Variants in RNLS observed in about 807,000 individuals in gnomAD.
The protein encoded by RNLS is renalase, FAD dependent amine oxidase, also known as renalase.
A neutral mutation model predicts 39.8 loss-of-function variants in RNLS; 39 were observed. The observed-to-expected ratio is 0.98, with a 90% CI of 0.76 to 1.28. RNLS has a LOEUF of 1.28. Ranked by LOEUF, RNLS falls within the 50% of genes most tolerant of loss-of-function variation. RNLS has a pLI of 0.00. For missense variants in RNLS, 410 were observed against 413.3 expected (o/e 0.99, Z 0.07); for synonymous variants, 147 against 150.7 (o/e 0.98, Z 0.18).
intron 4 of RNLS, among the ~76,000 whole-genome samples, chr10:88,394,744 C>T (rs937432303): frequency 1.3e-5 from 2 of 152,156 alleles, no homozygotes; most frequent in African/African-American, 2.4e-5. Context: ...CACATGCACA[C>T]GTATGTTTAT....
At chr10:88,352,661 C>G (rs1848808186) in intron 5 of RNLS, among the ~76,000 whole-genome samples, 1 of 152,128 alleles carries the variant, frequency 6.6e-6, no homozygotes, top group African/African-American at 2.4e-5. Context: ...CTAAGGTTCT[C>G]TTTTTTTGTT....
chr10:88,483,359 T>C (rs1411711364), intron 4 of RNLS, among the ~76,000 whole-genome samples: 1 of 152,166 alleles, frequency 6.6e-6, no homozygotes, highest in Non-Finnish European at 1.5e-5. Context: ...CTTGACTTTG[T>C]ACCTTTATAT....
At chr10:88,581,761 C>T in intron 2 of RNLS, 52 bp from the exon 3 acceptor site, 1 of 1,170,176 alleles carries the variant, frequency 8.5e-7, no homozygotes. Context: ...ATGAATAGCT[C>T]TAAAAGACTA....
Position 88,290,466 on chromosome 10 carries a change from C to T in RNLS, c.877-4960G>A, listed in dbSNP as rs79700244. 2.8e-4 allele frequency among the ~76,000 whole-genome samples: 42 copies of T among 152,298 alleles called. No individual in the cohort carries two copies. The East Asian group carries it at 7.7e-3, about 28-fold the overall frequency. On this transcript the variant is annotated intron_variant, in intron 6 of 6. Coordinates refer to ENST00000331772, the MANE Select transcript of RNLS (RefSeq NM_001031709.3). ...AAGTTTTTCCTGCTACATTTCCTCACTTACACCATGAATGCAAATTATGCC... is the reference window on the plus strand; with the variant it reads ...AAGTTTTTCCTGCTACATTTCCTCATTTACACCATGAATGCAAATTATGCC...
chr10:88,307,521 C>T (rs1254472141), intron 6 of RNLS, among the ~76,000 whole-genome samples: 1 of 152,004 alleles, frequency 6.6e-6, no homozygotes, highest in East Asian at 1.9e-4. Flanking sequence ...ACTAACATTC[C>T]TATGTACCAA....
At chr10:88,505,106 A>T (rs912393086) in intron 4 of RNLS, among the ~76,000 whole-genome samples, 2 of 152,060 alleles carry the variant, frequency 1.3e-5, no homozygotes, top group Admixed American at 6.6e-5. Context: ...TGGCTTCTAA[A>T]TAACATTCCC....
chr10:88,172,340 T>C, the RNLS span, among the ~76,000 whole-genome samples: 1 of 151,984 alleles, frequency 6.6e-6, no homozygotes, highest in Non-Finnish European at 1.5e-5. Flanking sequence ...GCATTTGATA[T>C]TTTTTTTGTC....
rs141431184 is a variant in RNLS at position 88,401,262 on chromosome 10, C to G, written c.527-38537G>C. ...TTCCATAAACCAGAAGTTATAAATT[C>G]TTTCTAAATACAGTAAACATATTCT... On this transcript the variant is annotated intron_variant, in intron 4 of 6. Transcript: ENST00000331772. Among the ~76,000 whole-genome samples the G allele has an allele frequency of 1.8e-3, 275 of 152,110 alleles. 1 individual carries two copies. Among genetic ancestry groups the G allele is most frequent in the Middle Eastern group, 0.014 (4 of 294 alleles).
At chr10:88,258,835 T>C in the RNLS span, among the ~76,000 whole-genome samples, 2 of 152,202 alleles carry the variant, frequency 1.3e-5, no homozygotes, top group Non-Finnish European at 2.9e-5. Flanking sequence ...TGTCTGGGTA[T>C]TGGAAAAGAC....
At chr10:88,323,618 T>C (rs1235010884) in intron 5 of RNLS, among the ~76,000 whole-genome samples, 3 of 152,066 alleles carry the variant, frequency 2.0e-5, no homozygotes, top group African/African-American at 7.2e-5. Context: ...ATAGATTAAA[T>C]ACTTAAATGT....
the RNLS span, among the ~76,000 whole-genome samples, chr10:88,186,397 C>T: frequency 6.6e-6 from 1 of 152,172 alleles, no homozygotes; most frequent in South Asian, 2.1e-4. Flanking sequence ...ACTCATGCCT[C>T]ACCATTCAAT....
intron 3 of RNLS, among the ~76,000 whole-genome samples, chr10:88,575,124 G>GTA (rs1174268534): frequency 0.011 from 1,065 of 98,798 alleles, 16 homozygotes; most frequent in Non-Finnish European, 0.015. Context: ...GTTCTGCAAA[G>GTA]TATATATATA....
chr10:88,456,488 A>G (rs1032817232), intron 4 of RNLS, among the ~76,000 whole-genome samples: 1 of 152,182 alleles, frequency 6.6e-6, no homozygotes, highest in African/African-American at 2.4e-5. Context: ...ACGCAAAACC[A>G]AAGTTACACA....
At chr10:88,293,532 T>C (rs1190762086) in intron 6 of RNLS, among the ~76,000 whole-genome samples, 2 of 152,226 alleles carry the variant, frequency 1.3e-5, no homozygotes, top group South Asian at 2.1e-4. Context: ...ATATATAATA[T>C]GTATAAATCT....
chr10:88,224,233 C>T, the RNLS span, among the ~76,000 whole-genome samples: 2 of 152,132 alleles, frequency 1.3e-5, no homozygotes, highest in African/African-American at 4.8e-5. Context: ...CTGGTGAGGG[C>T]TCTCTGCTTC....
At chr10:88,468,461 A>C (rs180973350) in intron 4 of RNLS, among the ~76,000 whole-genome samples, 2 of 152,270 alleles carry the variant, frequency 1.3e-5, no homozygotes, top group African/African-American at 4.8e-5. Context: ...CATGATTTAT[A>C]ATAAAACTGA....
chr10:88,197,443 C>T, the RNLS span, among the ~76,000 whole-genome samples: 1 of 152,220 alleles, frequency 6.6e-6, no homozygotes, highest in East Asian at 1.9e-4. Context: ...CTCTTCCTTC[C>T]CTATTCCCTA....
At chr10:88,309,747 G>A (rs1009818628) in intron 6 of RNLS, among the ~76,000 whole-genome samples, 1 of 152,192 alleles carries the variant, frequency 6.6e-6, no homozygotes, top group African/African-American at 2.4e-5. Flanking sequence ...AATTGTCAGA[G>A]AAAGTTTCTG....
At chr10:88,321,204 T>C (rs1846161909) in intron 5 of RNLS, among the ~76,000 whole-genome samples, 1 of 152,128 alleles carries the variant, frequency 6.6e-6, no homozygotes, top group East Asian at 1.9e-4. Context: ...CTGAATGACT[T>C]TTGGGTAAAC....
Sources: gnomAD v4.1 joint callset for allele counts (sites outside exome capture counted in the v4.1 genomes callset) on GRCh38, gnomAD v4.1.1 for gene constraint, MANE v1.5 for transcripts, NCBI Gene and HGNC (gene_info 2026-07-23, HGNC 2026-07-21) for gene names.